CLDN16: variants seen among roughly 807,000 people sequenced by gnomAD.
CLDN16 encodes the protein claudin-16.
In CLDN16, 13 loss-of-function variants were observed where a neutral mutation model predicts 24.6. The observed-to-expected ratio is 0.53, with a 90% confidence interval of 0.34 to 0.84. CLDN16 has a LOEUF of 0.84. Among genes scored for constraint, CLDN16 ranks in the 40% least tolerant of loss-of-function variants. The pLI is 0.01. For synonymous variants in CLDN16, 116 were observed against 106.7 expected (o/e 1.09, Z -0.54); for missense variants, 298 against 292.7 (o/e 1.02, Z -0.13).
chr3:190,402,294 G>C, intron 1 of CLDN16, 43 bp from the exon 2 acceptor site: 1 of 1,427,390 alleles, frequency 7.0e-7, no homozygotes, highest in South Asian at 1.1e-5. Flanking sequence ...ACTGAACTGT[G>C]CCTGCATGAA....
intron 1 of CLDN16, among the ~76,000 whole-genome samples, chr3:190,392,149 A>C (rs1011147157): frequency 1.2e-4 from 18 of 146,060 alleles, no homozygotes; most frequent in Middle Eastern, 7.8e-3. Flanking sequence ...GGTGTCTGGC[A>C]CTTCTCCAGA....
chr3:190,352,342 T>C (rs535213943), intron 1 of CLDN16, among the ~76,000 whole-genome samples: 1 of 152,234 alleles, frequency 6.6e-6, no homozygotes, highest in African/African-American at 2.4e-5. Flanking sequence ...TTGTATTTAA[T>C]TATATTGGAA....
At chr3:190,364,218 C>T (rs1717970217) in intron 1 of CLDN16, among the ~76,000 whole-genome samples, 1 of 151,414 alleles carries the variant, frequency 6.6e-6, no homozygotes, top group African/African-American at 2.4e-5. Flanking sequence ...TGGTATATGG[C>T]TTGGGAGTCT....
At chr3:190,321,171 G>A (rs2108616018), upstream of CLDN16, among the ~76,000 whole-genome samples, 1 of 152,228 alleles carries the variant, frequency 6.6e-6, no homozygotes, top group East Asian at 1.9e-4. Context: ...GATTTCATCA[G>A]CTATGACTAT....
At chr3:190,383,249 T>C (rs936543331), upstream of CLDN16, among the ~76,000 whole-genome samples, 2 of 152,116 alleles carry the variant, frequency 1.3e-5, no homozygotes, top group African/African-American at 4.8e-5. Flanking sequence ...GCTATTGATA[T>C]GTACTGAGTA....
upstream of CLDN16, among the ~76,000 whole-genome samples, chr3:190,320,128 A>G (rs1180440605): frequency 6.6e-6 from 1 of 152,260 alleles, no homozygotes; most frequent in Admixed American, 6.5e-5. Context: ...TAATAACTAC[A>G]TTAACCAAAA....
intron 1 of CLDN16, among the ~76,000 whole-genome samples, chr3:190,358,724 A>C (rs1717827681): frequency 6.6e-6 from 1 of 152,022 alleles, no homozygotes; most frequent in Non-Finnish European, 1.5e-5. Context: ...GTATTAGACA[A>C]CTAATGATGA....
the CLDN16 span, among the ~76,000 whole-genome samples, chr3:190,293,500 A>G: frequency 1.3e-5 from 2 of 152,192 alleles, no homozygotes; most frequent in African/African-American, 2.4e-5. Flanking sequence ...TTATGAATTG[A>G]GTTGTAAGAT....
At chr3:190,299,488 TATTTA>T in the CLDN16 span, among the ~76,000 whole-genome samples, 3 of 152,152 alleles carry the variant, frequency 2.0e-5, no homozygotes, top group Non-Finnish European at 4.4e-5. Context: ...TTTTGTGTCT[TATTTA>T]ATTAGAAAAA....
intron 1 of CLDN16, among the ~76,000 whole-genome samples, chr3:190,391,458 A>G (rs1718662895): frequency 6.6e-6 from 1 of 152,232 alleles, no homozygotes; most frequent in Non-Finnish European, 1.5e-5. Flanking sequence ...TATTTTGAGC[A>G]AGAAATAAAC....
At chr3:190,373,016 G>T (rs1718173889) in intron 2 of CLDN16, among the ~76,000 whole-genome samples, 1 of 151,914 alleles carries the variant, frequency 6.6e-6, no homozygotes, top group African/African-American at 2.4e-5. Flanking sequence ...ACTCTTCAAA[G>T]GGCAGCCCCT....
chr3:190,357,533 A>G (rs961536500), intron 1 of CLDN16, among the ~76,000 whole-genome samples: 9 of 151,440 alleles, frequency 5.9e-5, no homozygotes, highest in African/African-American at 2.2e-4. Flanking sequence ...CTAAACTTCA[A>G]ATGTGACCCC....
chr3:190,334,384 C>T (rs1717253468), intron 1 of CLDN16, among the ~76,000 whole-genome samples: 1 of 152,136 alleles, frequency 6.6e-6, no homozygotes, highest in African/African-American at 2.4e-5. Context: ...TATGAAGCTG[C>T]AAAATGGAAT....
At chr3:190,395,462 A>G (rs1718793487) in intron 1 of CLDN16, among the ~76,000 whole-genome samples, 1 of 152,092 alleles carries the variant, frequency 6.6e-6, no homozygotes, top group African/African-American at 2.4e-5. Context: ...AATATAATAT[A>G]AAATGTAAAG....
At chr3:190,405,219 C>T (rs1719065506) in intron 3 of CLDN16, among the ~76,000 whole-genome samples, 1 of 151,974 alleles carries the variant, frequency 6.6e-6, no homozygotes, top group Admixed American at 6.6e-5. Context: ...CACTTGAGGC[C>T]AGGAGTTTGA....
chr3:190,299,186 A>G, the CLDN16 span, among the ~76,000 whole-genome samples: 2 of 152,180 alleles, frequency 1.3e-5, no homozygotes, highest in Non-Finnish European at 2.9e-5. Flanking sequence ...TTATTATTAA[A>G]GTTATTAATA....
At chr3:190,345,053 T>A (rs1717522851) in intron 1 of CLDN16, among the ~76,000 whole-genome samples, 2 of 152,108 alleles carry the variant, frequency 1.3e-5, no homozygotes, top group South Asian at 4.1e-4. Context: ...AATTTGTAGA[T>A]TTAAAGGGTA....
the CLDN16 span, among the ~76,000 whole-genome samples, chr3:190,304,794 G>A: frequency 6.6e-6 from 1 of 152,130 alleles, no homozygotes; most frequent in African/African-American, 2.4e-5. Flanking sequence ...AATAATGACA[G>A]GCTGAAAAAG....
chr3:190,353,348 T>C (rs1717706600), intron 1 of CLDN16, among the ~76,000 whole-genome samples: 1 of 152,078 alleles, frequency 6.6e-6, no homozygotes, highest in African/African-American at 2.4e-5. Flanking sequence ...AAATATAAAT[T>C]TTATCATGAT....
Sources: gnomAD v4.1 joint callset for allele counts (sites outside exome capture counted in the v4.1 genomes callset) on GRCh38, gnomAD v4.1.1 for gene constraint, MANE v1.5 for transcripts, NCBI Gene and HGNC (gene_info 2026-07-23, HGNC 2026-07-21) for gene names.